ANKRD11: variants seen among roughly 807,000 people sequenced by gnomAD.
ANKRD11 encodes the protein ankyrin repeat domain 11.
A neutral mutation model predicts 195.7 loss-of-function variants in ANKRD11; 17 were observed. That is an observed-to-expected ratio of 0.09 (90% CI 0.06 to 0.13). The LOEUF (loss-of-function observed/expected upper bound fraction) is 0.13. Among genes scored for constraint, ANKRD11 ranks in the 10% least tolerant of loss-of-function variants. The pLI, the probability that ANKRD11 is intolerant of heterozygous loss-of-function variation, is 1.00. For missense variants in ANKRD11, 3,735 were observed against 3,566.1 expected (o/e 1.05, Z -1.21); for synonymous variants, 1,953 against 1,528.1 (o/e 1.28, Z -6.49).
At chr16:89,448,797 G>A (rs1235437257) in intron 1 of ANKRD11, among the ~76,000 whole-genome samples, 6 of 152,078 alleles carry the variant, frequency 3.9e-5, no homozygotes, top group African/African-American at 9.7e-5. Flanking sequence ...CACCAGCACC[G>A]CCCCGTCCAC....
chr16:89,282,177 G>A lies in ANKRD11; in HGVS notation c.4365C>T (p.Ile1455=), dbSNP rs759918571. ...LKPYGSSAIN[I]LKEKKKREKH... is the part of the protein sequence containing the mutation. The stretch of plus-strand genomic sequence containing the variant: ...TCTCTCTCTTCTTCTTCTCTTTTAG[G>A]ATGTTGATGGCACTAGATCCATAAG... The change falls in exon 9 of 13, where the codon ATC becomes ATT. Residue 1455 remains isoleucine, a synonymous_variant. Transcript: ENST00000301030. 2.5e-6 allele frequency: 4 copies of A among 1,613,794 alleles called. No homozygotes were observed. The highest frequency in any genetic ancestry group is 4.5e-5 in the East Asian group (2 of 44,876).
chr16:89,286,432 TCTC>T (rs1464545379), intron 7 of ANKRD11: 1 of 623,406 alleles, frequency 1.6e-6, no homozygotes, highest in Non-Finnish European at 2.7e-6. Context: ...CCTCCTGTGC[TCTC>T]CTTCAGAAGG....
intron 3 of ANKRD11, among the ~76,000 whole-genome samples, chr16:89,306,131 T>C (rs1380236492): frequency 8.2e-5 from 3 of 36,724 alleles, no homozygotes; most frequent in Admixed American, 3.5e-4. Flanking sequence ...GACACGCCAC[T>C]TACCTCCCAC....
intron 2 of ANKRD11, among the ~76,000 whole-genome samples, chr16:89,393,254 A>G (rs939452856): frequency 6.6e-6 from 1 of 152,156 alleles, no homozygotes; most frequent in African/African-American, 2.4e-5. Flanking sequence ...CCTGGGACCA[A>G]GAGAGTCCAC....
Position 89,281,192 on chromosome 16 carries a change from A to C in ANKRD11, c.5350T>G (p.Ser1784Ala). 1 of 1,614,120 alleles carries C rather than the reference A, an allele frequency of 6.2e-7. No individual in the cohort carries two copies. Among genetic ancestry groups the C allele is most frequent in the Non-Finnish European group, 8.5e-7 (1 of 1,180,010 alleles). The change falls in exon 9 of 13, where the codon TCC becomes GCC. Residue 1784 changes from serine to alanine, a missense_variant. By Grantham distance (99) the Ser-to-Ala change is moderately conservative (BLOSUM62 1). Coordinates refer to ENST00000301030, the MANE Select transcript of ANKRD11 (RefSeq NM_013275.6). The surrounding 1 kb of genome is among the most constrained non-coding windows in gnomAD (Gnocchi z 5.5). ...GAGACCGAGCGGTAAAGGTTTGTGG[A>C]GAGAGGCCTGGCAGGAGCCTGGCTG... ...NASQAPARPL[S>A]TNLYRSVSVD...
At chr16:89,471,334 T>C (rs1007365057) in intron 1 of ANKRD11, among the ~76,000 whole-genome samples, 16 of 152,164 alleles carry the variant, frequency 1.1e-4, no homozygotes, top group African/African-American at 3.9e-4. Flanking sequence ...CCCGAAGTCC[T>C]GTGTGGAGTG....
At position 89,281,345 on chromosome 16, in the gene ANKRD11, C is replaced by T. The variant is rs780508146; in HGVS notation, c.5197G>A (p.Ala1733Thr). 9.9e-6 allele frequency: 16 copies of T among 1,612,200 alleles called. No individual in the cohort carries two copies. In the Admixed American group the frequency reaches 1.5e-4, roughly 15 times the overall value. ...TCGGCGCAGTCGAACACGAGGTCCG[C>T]GTAGTCATCGGCGCTGCAGGACGGG... ...RTPSCSADDY[A>T]DLVFDCADSQ... is the part of the protein sequence containing the mutation. Residue 1733 changes from alanine (A) to threonine (T), a missense_variant, in exon 9 of 13, where the codon GCG becomes ACG. By Grantham distance (58) the Ala-to-Thr change is moderately conservative (BLOSUM62 0). Coordinates refer to ENST00000301030, the MANE Select transcript of ANKRD11 (RefSeq NM_013275.6). The surrounding 1 kb of genome is among the most constrained non-coding windows in gnomAD (Gnocchi z 5.5).
At chr16:89,352,375 C>T (rs1567687914) in intron 2 of ANKRD11, among the ~76,000 whole-genome samples, 1 of 151,410 alleles carries the variant, frequency 6.6e-6, no homozygotes. Context: ...CTCAAGGCAG[C>T]CCCCCAAGAA....
intron 2 of ANKRD11, among the ~76,000 whole-genome samples, chr16:89,383,067 G>A (rs762476630): frequency 6.6e-5 from 10 of 152,284 alleles, no homozygotes; most frequent in South Asian, 4.1e-4. Flanking sequence ...TACCTCTCTC[G>A]TCTGGATTCA....
chr16:89,286,845 T>C, intron 7 of ANKRD11: 2 of 1,287,494 alleles, frequency 1.6e-6, no homozygotes. Flanking sequence ...TGCACTGAAC[T>C]CAAGTACAAA....
At chr16:89,442,205 G>A (rs889694751) in intron 1 of ANKRD11, among the ~76,000 whole-genome samples, 5 of 152,340 alleles carry the variant, frequency 3.3e-5, no homozygotes, top group East Asian at 1.9e-4. Flanking sequence ...GACAACGCAC[G>A]CCCACTGGTG....
chr16:89,363,876 C>A (rs1357948267), intron 2 of ANKRD11, among the ~76,000 whole-genome samples: 1 of 151,736 alleles, frequency 6.6e-6, no homozygotes, highest in East Asian at 1.9e-4. Flanking sequence ...GCCATCGTGG[C>A]AAAACCCTGT....
At chr16:89,312,949 G>T (rs894574506) in intron 3 of ANKRD11, among the ~76,000 whole-genome samples, 1 of 152,344 alleles carries the variant, frequency 6.6e-6, no homozygotes, top group African/African-American at 2.4e-5. Flanking sequence ...CAGACCAGAT[G>T]TGAGTCTGTA....
intron 12 of ANKRD11, 125 bp from the exon 13 acceptor site, chr16:89,268,788 A>T: frequency 8.8e-7 from 1 of 1,135,952 alleles, no homozygotes; most frequent in Non-Finnish European, 1.3e-6. Flanking sequence ...GGTATGGGCC[A>T]GGCCCAGCTG....
intron 1 of ANKRD11, among the ~76,000 whole-genome samples, chr16:89,464,607 T>TAAAAAAAAAAA (rs377695519): frequency 1.7e-5 from 2 of 116,390 alleles, no homozygotes; most frequent in Non-Finnish European, 3.4e-5. Flanking sequence ...GACTCCATCT[T>TAAAAAAAAAAA]AAAAAAAAAA....
chr16:89,372,400 A>ACGGACGGGGTCGACAAGGCAGTGG (rs1342151233), intron 2 of ANKRD11, among the ~76,000 whole-genome samples: 12 of 152,164 alleles, frequency 7.9e-5, no homozygotes, highest in Non-Finnish European at 1.6e-4. Context: ...CCCTCACAGC[A>ACGGACGGGGTCGACAAGGCAGTGG]CGGACGGGGT....
intron 2 of ANKRD11, among the ~76,000 whole-genome samples, chr16:89,399,943 G>A (rs369198823): frequency 1.3e-4 from 20 of 152,264 alleles, no homozygotes; most frequent in South Asian, 2.1e-4. Flanking sequence ...AGAGTAAGCC[G>A]AGTGACACAA....
intron 1 of ANKRD11, among the ~76,000 whole-genome samples, chr16:89,490,027 C>T (rs2057770049): frequency 6.8e-6 from 1 of 147,108 alleles, no homozygotes; most frequent in Admixed American, 6.7e-5. Context: ...CCGGCTGCCC[C>T]GAACCCGGAC....
At position 89,275,210 on chromosome 16, in the gene ANKRD11, T is replaced by G. The variant is rs745729460; in HGVS notation, c.7471-19A>C. On this transcript the variant is annotated intron_variant, in intron 9 of 12. Transcript: ENST00000301030. ...GTGCGATCTACAGGCAAAAGGTGAG[T>G]GTGGGGGGTCAGCTGGGGCTGTGGA... is the stretch of plus-strand genomic sequence containing the variant. 7.5e-6 allele frequency: 12 copies of G among 1,590,944 alleles called. No homozygotes were observed. The highest frequency in any genetic ancestry group is 2.7e-5 in the African/African-American group (2 of 74,426).
Sources: allele counts gnomAD v4.1 joint callset (sites outside exome capture counted in the v4.1 genomes callset), GRCh38; gene constraint gnomAD v4.1.1; non-coding constraint Gnocchi (gnomAD v3.1); transcripts MANE v1.5; gene names NCBI Gene and HGNC (gene_info 2026-07-23, HGNC 2026-07-21).